PRKCG: variants seen among roughly 807,000 people sequenced by gnomAD.
The protein encoded by PRKCG is protein kinase C gamma type.
In PRKCG, 28 loss-of-function variants were observed where a neutral mutation model predicts 82.0. The observed-to-expected ratio is 0.34, with a 90% confidence interval of 0.25 to 0.47. The LOEUF is 0.47. Among genes scored for constraint, PRKCG ranks in the 20% least tolerant of loss-of-function variants. The probability of loss-of-function intolerance (pLI) is 1.00; values close to 1 mark genes in which losing one functional copy is unlikely to be tolerated. For missense variants in PRKCG, 640 were observed against 952.7 expected (o/e 0.67, Z 4.32); for synonymous variants, 383 against 376.6 (o/e 1.02, Z -0.20).
chr19:53,895,487 C>CAAAA (rs760577483), intron 9 of PRKCG, among the ~76,000 whole-genome samples: 11 of 62,782 alleles, frequency 1.8e-4, no homozygotes, highest in African/African-American at 3.7e-4. Flanking sequence ...GACTCTGTCT[C>CAAAA]AAAAAAAAAA....
In PRKCG at chr19:53,907,064, C is replaced by A; in HGVS notation, c.*169C>A. On this transcript the variant is annotated 3_prime_UTR_variant, in exon 18 of 18. Transcript: ENST00000263431. ...GCCCCTCCCAAGCGTTCCTGGCCTT[C>A]TGAACTCCATACAGCCTCTACAGCC... 6.9e-7 allele frequency: 1 copy of A among 1,451,554 alleles called. No homozygotes were observed. Among genetic ancestry groups the A allele is most frequent in the South Asian group, 1.3e-5 (1 of 78,262 alleles). The allele number at this position is 1,451,554 out of a possible 1,614,324, so 89.9% of individuals were successfully genotyped here.
At chr19:53,885,183 A>G (rs2068622425) in intron 3 of PRKCG, among the ~76,000 whole-genome samples, 1 of 152,196 alleles carries the variant, frequency 6.6e-6, no homozygotes, top group African/African-American at 2.4e-5. Flanking sequence ...GTGGCTGAGG[A>G]TTAGAAATTC....
At chr19:53,906,242 G>A in intron 16 of PRKCG, 75 bp from the exon 17 acceptor site, 1 of 1,537,772 alleles carries the variant, frequency 6.5e-7, no homozygotes, top group South Asian at 1.2e-5. Flanking sequence ...GCCTGTCTCT[G>A]TCCCTCTTTC....
At chr19:53,896,134 AG>A (rs1435357075) in intron 9 of PRKCG, among the ~76,000 whole-genome samples, 1 of 151,576 alleles carries the variant, frequency 6.6e-6, no homozygotes, top group African/African-American at 2.4e-5. Context: ...TGAGCCAAAG[AG>A]GTAGAGTCTT....
Position 53,882,689 on chromosome 19 carries a change from G to A in PRKCG, c.170+25G>A. 3 of 1,604,590 alleles carry A rather than the reference G, an allele frequency of 1.9e-6. No individual in the cohort carries two copies. Among genetic ancestry groups the A allele is most frequent in the African/African-American group, 1.3e-5 (1 of 74,694 alleles). Reference sequence around the variant, plus strand: ...GGTGAGGGAAGGGGGCTGGGGGACTGGGGGACGAGGGGACTAGGGGTGCAG... The same window carrying A: ...GGTGAGGGAAGGGGGCTGGGGGACTAGGGGACGAGGGGACTAGGGGTGCAG... On this transcript the variant is annotated intron_variant, in intron 1 of 17. Transcript: ENST00000263431. This position sits in a 1 kb window ranked among gnomAD's most constrained non-coding sequence, Gnocchi z 6.1.
In PRKCG at chr19:53,900,086, G is replaced by C; in HGVS notation, c.1282-147G>C. ...CTGAGGTAGCAGGATTAGCACCTTAGGGCCCTCCCAGGGATGTGGCTAGGT... is the reference window on the plus strand; with the variant it reads ...CTGAGGTAGCAGGATTAGCACCTTACGGCCCTCCCAGGGATGTGGCTAGGT... On this transcript the variant is annotated intron_variant, in intron 11 of 17. Coordinates refer to ENST00000263431, the MANE Select transcript of PRKCG (RefSeq NM_002739.5). The surrounding 1 kb of genome is among the most constrained non-coding windows in gnomAD (Gnocchi z 4.2). 1.3e-6 allele frequency: 1 copy of C among 766,706 alleles called. No homozygotes were observed. The highest frequency in any genetic ancestry group is 2.3e-6 in the Non-Finnish European group (1 of 438,810). 47.5% of individuals were successfully genotyped at this position (766,706 alleles called of 1,614,324 possible).
At position 53,892,771 on chromosome 19, in the gene PRKCG, C is replaced by T; in HGVS notation, c.821+128C>T. ...GCATGCGCACACACACACACACACA[C>T]ACACACACACGCACACACACGCACA... is the stretch of plus-strand genomic sequence containing the variant. On this transcript the variant is annotated intron_variant, in intron 7 of 17. Transcript: ENST00000263431. The surrounding 1 kb of genome is among the most constrained non-coding windows in gnomAD (Gnocchi z 5.9). 1.6e-6 allele frequency: 2 copies of T among 1,217,992 alleles called. No homozygotes were observed. The highest frequency in any genetic ancestry group is 2.3e-6 in the Non-Finnish European group (2 of 875,046). The allele number at this position is 1,217,992 out of a possible 1,614,324, so 75.4% of individuals were successfully genotyped here. A position where few individuals can be genotyped will look rare whatever the true frequency, so the allele number is the denominator to read the frequency against.
rs1438784129 is a variant in PRKCG, at chr19:53,905,162, T to A, written c.1764+420T>A. On this transcript the variant is annotated intron_variant, in intron 16 of 17. Coordinates refer to ENST00000263431, the MANE Select transcript of PRKCG (RefSeq NM_002739.5). ...GAAAGCACCTGGCCCATAGCAGATT[T>A]TCAGCCCATGTCAGCACCTTCTGCG... Among the ~76,000 whole-genome samples the A allele has an allele frequency of 2.6e-5, 4 of 152,248 alleles. No homozygotes were observed. The East Asian group carries it at 7.7e-4, about 29-fold the overall frequency.
chr19:53,889,768 G>C lies in PRKCG; in HGVS notation c.397+19G>C. 4 of 1,611,606 alleles carry C rather than the reference G, an allele frequency of 2.5e-6. No homozygotes were observed. Among genetic ancestry groups the C allele is most frequent in the Non-Finnish European group, 3.4e-6 (4 of 1,178,874 alleles). ...TGCTCCTGTGAGTGACCTGGGCCTT[G>C]CCAGGGCCCTTCCAAAGCGCCCGGT... On this transcript the variant is annotated intron_variant, in intron 4 of 17. Transcript: ENST00000263431. The surrounding 1 kb of genome is among the most constrained non-coding windows in gnomAD (Gnocchi z 4.4).
intron 14 of PRKCG, among the ~76,000 whole-genome samples, chr19:53,901,808 C>T (rs1394881435): frequency 1.3e-5 from 2 of 148,546 alleles, no homozygotes; most frequent in African/African-American, 5.0e-5. Context: ...TGAGATCGCG[C>T]CACTGCACTC....
intron 3 of PRKCG, among the ~76,000 whole-genome samples, chr19:53,886,759 T>A (rs896039909): frequency 2.0e-5 from 3 of 152,164 alleles, no homozygotes. Flanking sequence ...AACAGCTTAT[T>A]TGGTTATTTT....
At chr19:53,890,114 TG>T in intron 5 of PRKCG, 97 bp downstream of exon 5, 1 of 1,311,346 alleles carries the variant, frequency 7.6e-7, no homozygotes, top group Non-Finnish European at 1.1e-6. Flanking sequence ...ACCCCAAAGA[TG>T]GGGCCACGCC....
At position 53,888,949 on chromosome 19, in the gene PRKCG, TTTG is replaced by T. The variant is rs368490199; in HGVS notation, c.286-671_286-669del. On this transcript the variant is annotated intron_variant, in intron 3 of 17. Transcript: ENST00000263431. ...CCCTGCCACTCCCCCTGCACACAGTTTTGTTGTTGTTGTTGTTGTTTGAGACAG... is the reference window on the plus strand; with the variant it reads ...CCCTGCCACTCCCCCTGCACACAGTTTTGTTGTTGTTGTTGTTTGAGACAG... Among the ~76,000 whole-genome samples the T allele has an allele frequency of 5.2e-3, 791 of 151,748 alleles. 6 individuals carry two copies. Among genetic ancestry groups the T allele is most frequent in the African/African-American group, 0.018 (743 of 41,396 alleles).
At chr19:53,885,421 G>A (rs1056324043) in intron 3 of PRKCG, among the ~76,000 whole-genome samples, 2 of 152,010 alleles carry the variant, frequency 1.3e-5, no homozygotes, top group Admixed American at 6.6e-5. Context: ...TAGTAGAGAT[G>A]GGGTTTCACC....
chr19:53,905,744 C>G (rs1473066434), intron 16 of PRKCG, among the ~76,000 whole-genome samples: 1 of 124,500 alleles, frequency 8.0e-6, no homozygotes, highest in Non-Finnish European at 1.7e-5. Context: ...CTCCCTCCCC[C>G]TACCCTTCCC....
chr19:53,892,915 C>A lies in PRKCG; in HGVS notation c.822-73C>A. 7.2e-7 allele frequency: 1 copy of A among 1,390,362 alleles called. No individual in the cohort carries two copies. The highest frequency in any genetic ancestry group is 1.2e-5 in the South Asian group (1 of 85,172). 86.1% of individuals were successfully genotyped at this position (1,390,362 alleles called of 1,614,324 possible). ...CCGTCTCTCTGTGTCTCTTTCCTCC[C>A]TTCCAATGTCTTTGCCTCTCCCATG... On this transcript the variant is annotated intron_variant, in intron 7 of 17. Transcript: ENST00000263431. The surrounding 1 kb of genome is among the most constrained non-coding windows in gnomAD (Gnocchi z 5.9).
chr19:53,888,295 A>C (rs2068646981), intron 3 of PRKCG, among the ~76,000 whole-genome samples: 1 of 152,182 alleles, frequency 6.6e-6, no homozygotes, highest in Non-Finnish European at 1.5e-5. Context: ...AAAATCCAAG[A>C]ATGGCCTAAA....
chr19:53,893,060 C>T lies in PRKCG; in HGVS notation c.894C>T (p.Leu298=). Residue 298 remains leucine, a synonymous_variant, in exon 8 of 18, where the codon CTC becomes CTT. Coordinates refer to ENST00000263431, the MANE Select transcript of PRKCG (RefSeq NM_002739.5). ...TGGCCGATGCTGACAACTGCAGCCTCCTCCAGAAGTTTGAGGTACCCAGAC... is the reference window on the plus strand; with the variant it reads ...TGGCCGATGCTGACAACTGCAGCCTTCTCCAGAAGTTTGAGGTACCCAGAC... ...VPVADADNCS[L]LQKFEACNYP... 5.0e-6 allele frequency: 8 copies of T among 1,613,950 alleles called. No homozygotes were observed. The highest frequency in any genetic ancestry group is 5.9e-6 in the Non-Finnish European group (7 of 1,179,950).
chr19:53,906,268 C>G, intron 16 of PRKCG, 49 bp from the exon 17 acceptor site: 1 of 1,550,148 alleles, frequency 6.5e-7, no homozygotes, highest in Non-Finnish European at 8.7e-7. Context: ...GTCTACCTGT[C>G]CGGCACTCTG....
Sources: gnomAD v4.1 joint callset for allele counts (sites outside exome capture counted in the v4.1 genomes callset) on GRCh38, gnomAD v4.1.1 for gene constraint, Gnocchi (gnomAD v3.1) non-coding constraint, MANE v1.5 for transcripts, NCBI Gene and HGNC (gene_info 2026-07-23, HGNC 2026-07-21) for gene names.